Variants in TUT4 observed in about 807,000 individuals in gnomAD.
TUT4 encodes the protein terminal uridylyltransferase 4.
TUT4 carries 36 observed loss-of-function variants against 192.2 expected under a neutral mutation model. The ratio of observed to expected loss-of-function variants is 0.19; its 90% CI spans 0.14 to 0.25. The LOEUF is 0.25. Among genes scored for constraint, TUT4 ranks in the 10% least tolerant of loss-of-function variants. The pLI is 1.00. For missense variants in TUT4, 1,493 were observed against 1,957.2 expected (o/e 0.76, Z 4.47); for synonymous variants, 618 against 666.0 (o/e 0.93, Z 1.11).
chr1:52,462,849 T>C, intron 16 of TUT4: 1 of 985,272 alleles, frequency 1.0e-6, no homozygotes, highest in South Asian at 4.7e-5. Flanking sequence ...ACATAATGAT[T>C]ATGGCATTAA....
chr1:52,441,240 A>G (rs77375780), intron 24 of TUT4, among the ~76,000 whole-genome samples: 1,862 of 151,634 alleles, frequency 0.012, 34 homozygotes, highest in African/African-American at 0.043. Flanking sequence ...CTGGAGTGAG[A>G]AGGGCAGAGG....
Position 52,481,724 on chromosome 1 carries a change from C to T in TUT4, c.1635+80G>A, listed in dbSNP as rs1294706958. The T allele has an allele frequency of 9.1e-6, 14 of 1,541,028 alleles. No individual in the cohort carries two copies. The East Asian group carries it at 3.2e-4, about 35-fold the overall frequency. On this transcript the variant is annotated intron_variant, in intron 10 of 29. Coordinates refer to ENST00000257177, the MANE Select transcript of TUT4 (RefSeq NM_001009881.3). ...ACAAACAGACAAACCAGAATTCCAG[C>T]TTAAAATGTTTGAGCAGAGTTCTCT... is the stretch of plus-strand genomic sequence containing the variant.
At chr1:52,463,854 A>C (rs1444706764) in intron 16 of TUT4, 1 of 1,202,192 alleles carries the variant, frequency 8.3e-7, no homozygotes, top group East Asian at 5.7e-5. Context: ...TGCTCCTGGC[A>C]TCTCACGGTG....
rs1681655145 is a variant in TUT4, at chr1:52,526,005, A to T, written c.276T>A (p.Asp92Glu). The change falls in exon 2 of 30, where the codon GAT (aspartate) becomes GAA (glutamate). Residue 92 changes from aspartate (D) to glutamate (E), a missense_variant. This residue lies in a region of TUT4 where 260 missense variants were observed against 247.8 expected (regional missense o/e 1.05). Coordinates refer to ENST00000257177, the MANE Select transcript of TUT4 (RefSeq NM_001009881.3). Reference sequence around the variant, plus strand: ...ATTTTTTTGCTTTGCAATGACTTTGATCTCGAAGGACTAACCCCAAATCTT... The same window carrying T: ...ATTTTTTTGCTTTGCAATGACTTTGTTCTCGAAGGACTAACCCCAAATCTT... Reference protein sequence around the residue: ...GPKDLGLVLRDQSHCKAKKFP... With the variant: ...GPKDLGLVLREQSHCKAKKFP... 1 of 1,613,914 alleles carries T rather than the reference A, an allele frequency of 6.2e-7. No individual in the cohort carries two copies. The highest frequency in any genetic ancestry group is 8.5e-7 in the Non-Finnish European group (1 of 1,180,016).
chr1:52,535,128 C>A (rs1434655928), intron 1 of TUT4: 1 of 152,152 alleles, frequency 6.6e-6, no homozygotes, highest in Non-Finnish European at 1.5e-5. Context: ...TGGCTCTGTT[C>A]ATCAGTAATT....
intron 2 of TUT4, among the ~76,000 whole-genome samples, chr1:52,518,295 G>T (rs528463458): frequency 4.6e-5 from 7 of 152,316 alleles, no homozygotes; most frequent in African/African-American, 1.7e-4. Context: ...AAATACTACA[G>T]ACTGGGTGGC....
chr1:52,443,834 T>C (rs1260531366), intron 24 of TUT4, among the ~76,000 whole-genome samples: 1 of 152,216 alleles, frequency 6.6e-6, no homozygotes, highest in East Asian at 1.9e-4. Context: ...CATATGCATA[T>C]ATAAACACAA....
At chr1:52,511,628 A>G (rs1345204122) in intron 3 of TUT4, among the ~76,000 whole-genome samples, 1 of 152,154 alleles carries the variant, frequency 6.6e-6, no homozygotes, top group Non-Finnish European at 1.5e-5. Flanking sequence ...ATCTGAAAAG[A>G]CACATTTCAA....
At chr1:52,535,422 T>C (rs923686110) in intron 1 of TUT4, among the ~76,000 whole-genome samples, 2 of 152,188 alleles carry the variant, frequency 1.3e-5, no homozygotes, top group Non-Finnish European at 2.9e-5. Flanking sequence ...TTCATAGTTA[T>C]AATCTCATAT....
chr1:52,496,877 T>C, intron 5 of TUT4, 129 bp downstream of exon 5: 2 of 925,656 alleles, frequency 2.2e-6, no homozygotes, highest in South Asian at 1.9e-5. Flanking sequence ...AATTCATTCA[T>C]AAAACAATAA....
At chr1:52,531,855 A>C (rs1356861352) in intron 1 of TUT4, among the ~76,000 whole-genome samples, 2 of 108,796 alleles carry the variant, frequency 1.8e-5, no homozygotes, top group Non-Finnish European at 4.0e-5. Context: ...TTTACTTCCT[A>C]TCTGAACAGT....
intron 4 of TUT4, among the ~76,000 whole-genome samples, chr1:52,505,310 T>G (rs2149260847): frequency 6.6e-6 from 1 of 152,074 alleles, no homozygotes; most frequent in African/African-American, 2.4e-5. Context: ...CAGGCTGATC[T>G]CAAACTCCTA....
chr1:52,535,321 T>C (rs993105417), intron 1 of TUT4, among the ~76,000 whole-genome samples: 6 of 152,190 alleles, frequency 3.9e-5, no homozygotes, highest in Non-Finnish European at 2.9e-5. Flanking sequence ...TCCTAGGTGA[T>C]TTCCTCAACT....
chr1:52,472,524 CCTCA>C (rs538779957), intron 13 of TUT4, among the ~76,000 whole-genome samples: 73 of 151,396 alleles, frequency 4.8e-4, no homozygotes, highest in African/African-American at 1.4e-3. Flanking sequence ...ATCACAGAAC[CCTCA>C]CTTAGTTGGT....
intron 8 of TUT4, among the ~76,000 whole-genome samples, 157 bp from the exon 9 acceptor site, chr1:52,489,192 G>A (rs778611378): frequency 6.6e-6 from 1 of 152,152 alleles, no homozygotes; most frequent in East Asian, 1.9e-4. Context: ...AGAGCTAACT[G>A]AAAACTACAT....
chr1:52,511,722 G>A (rs1282828549), intron 3 of TUT4, among the ~76,000 whole-genome samples: 3 of 152,174 alleles, frequency 2.0e-5, no homozygotes, highest in Admixed American at 6.5e-5. Flanking sequence ...TAGCATAACT[G>A]GGAACAGAGA....
At position 52,458,456 on chromosome 1, in the gene TUT4, A is replaced by G. The variant is rs1224520174; in HGVS notation, c.3322-7T>C. On this transcript the variant is annotated splice_region_variant and splice_polypyrimidine_tract_variant and intron_variant, in intron 19 of 29. Transcript: ENST00000257177. The stretch of plus-strand genomic sequence containing the variant: ...CATCCCCAATGTCACATCGCTAAAA[A>G]ACAACATGATTGAAAACAAAACTTC... The G allele has an allele frequency of 6.2e-7, 1 of 1,603,074 alleles. No individual in the cohort carries two copies. Among genetic ancestry groups the G allele is most frequent in the Admixed American group, 1.7e-5 (1 of 59,272 alleles).
chr1:52,441,046 G>A (rs1023317138), intron 24 of TUT4, among the ~76,000 whole-genome samples: 1 of 151,988 alleles, frequency 6.6e-6, no homozygotes, highest in Non-Finnish European at 1.5e-5. Context: ...AACTGAAAAC[G>A]CTTTTCACAG....
chr1:52,446,095 T>C, intron 22 of TUT4, 91 bp from the exon 23 acceptor site: 3 of 1,343,356 alleles, frequency 2.2e-6, no homozygotes, highest in Non-Finnish European at 3.1e-6. Flanking sequence ...AATACTTATA[T>C]GTACTCAGAC....
Sources: gnomAD v4.1 joint callset for allele counts (sites outside exome capture counted in the v4.1 genomes callset) on GRCh38, gnomAD v4.1.1 for gene constraint, gnomAD v4.1.1 regional missense constraint, MANE v1.5 for transcripts, NCBI Gene and HGNC (gene_info 2026-07-23, HGNC 2026-07-21) for gene names.